Variants in LRRC4C observed in about 807,000 individuals in gnomAD.
The protein encoded by LRRC4C is leucine rich repeat containing 4C, also known as leucine-rich repeat-containing protein 4C.
LRRC4C carries 5 observed loss-of-function variants against 33.6 expected under a neutral mutation model. The observed-to-expected ratio is 0.15, with a 90% CI of 0.08 to 0.31. LRRC4C has a LOEUF of 0.31. Among genes scored for constraint, LRRC4C ranks in the 10% least tolerant of loss-of-function variants. The pLI, the probability that LRRC4C is intolerant of heterozygous loss-of-function variation, is 1.00. For missense variants in LRRC4C, 560 were observed against 796.7 expected (o/e 0.70, Z 3.58); for synonymous variants, 329 against 302.0 (o/e 1.09, Z -0.93).
intron 1 of LRRC4C, among the ~76,000 whole-genome samples, chr11:40,948,346 T>G (rs575307975): frequency 1.3e-5 from 2 of 152,094 alleles, no homozygotes; most frequent in Non-Finnish European, 2.9e-5. Flanking sequence ...TTCTTTGTTT[T>G]TCTTTATTCA....
intron 3 of LRRC4C, among the ~76,000 whole-genome samples, chr11:40,405,959 G>T (rs184498647): frequency 9.2e-5 from 14 of 151,984 alleles, no homozygotes; most frequent in African/African-American, 2.9e-4. Flanking sequence ...TCTCTGTATG[G>T]TTTCATAGGT....
intron 1 of LRRC4C, among the ~76,000 whole-genome samples, chr11:41,305,626 A>T (rs1206303997): frequency 2.9e-5 from 2 of 69,118 alleles, no homozygotes; most frequent in East Asian, 7.6e-4. Flanking sequence ...GCTCTCTGAA[A>T]CATGTGCTGT....
chr11:40,869,991 G>A (rs1954555303), intron 2 of LRRC4C, among the ~76,000 whole-genome samples: 1 of 152,038 alleles, frequency 6.6e-6, no homozygotes, highest in Admixed American at 6.6e-5. Context: ...ATACAGATTT[G>A]CTGTTCATAA....
At chr11:40,878,943 G>A (rs1955042072) in intron 2 of LRRC4C, among the ~76,000 whole-genome samples, 1 of 152,164 alleles carries the variant, frequency 6.6e-6, no homozygotes, top group Admixed American at 6.5e-5. Flanking sequence ...GCATCCCCAT[G>A]TCTGGCTGTG....
At chr11:40,622,140 A>G (rs1455712592) in intron 3 of LRRC4C, among the ~76,000 whole-genome samples, 3 of 151,918 alleles carry the variant, frequency 2.0e-5, no homozygotes, top group African/African-American at 7.2e-5. Context: ...AAATGTCAAC[A>G]TCTTAGTCAC....
intron 3 of LRRC4C, among the ~76,000 whole-genome samples, chr11:40,618,818 T>G (rs2135938600): frequency 6.6e-6 from 1 of 151,916 alleles, no homozygotes; most frequent in Middle Eastern, 3.4e-3. Flanking sequence ...TTCCGGTCTT[T>G]CAAGTCAGGA....
At chr11:40,804,545 C>A (rs1007613248) in intron 2 of LRRC4C, among the ~76,000 whole-genome samples, 1 of 152,122 alleles carries the variant, frequency 6.6e-6, no homozygotes, top group African/African-American at 2.4e-5. Flanking sequence ...TTCTCTGAAG[C>A]CTGTGGAAAC....
intron 3 of LRRC4C, among the ~76,000 whole-genome samples, chr11:40,640,802 C>T (rs1189442681): frequency 6.6e-6 from 1 of 151,964 alleles, no homozygotes; most frequent in Non-Finnish European, 1.5e-5. Context: ...ATCACGAGGT[C>T]AGGAGATCGA....
intron 1 of LRRC4C, among the ~76,000 whole-genome samples, chr11:41,311,703 TA>T (rs1483348678): frequency 6.6e-6 from 1 of 152,232 alleles, no homozygotes; most frequent in Non-Finnish European, 1.5e-5. Context: ...ATCATTATTT[TA>T]CCAGCTAGAA....
intron 2 of LRRC4C, among the ~76,000 whole-genome samples, chr11:40,840,738 T>C (rs1952875238): frequency 6.6e-6 from 1 of 152,150 alleles, no homozygotes; most frequent in African/African-American, 2.4e-5. Flanking sequence ...TTAGAGAGTT[T>C]AGAAAAGAAT....
chr11:41,409,826 T>A (rs529695878), intron 1 of LRRC4C, among the ~76,000 whole-genome samples: 1 of 152,060 alleles, frequency 6.6e-6, no homozygotes, highest in Non-Finnish European at 1.5e-5. Flanking sequence ...ATCCAAAAAA[T>A]TGCGAAAAAA....
In LRRC4C at chr11:40,359,713, T is replaced by C. The variant is rs144745829; in HGVS notation, c.-269-39992A>G. On this transcript the variant is annotated intron_variant, in intron 3 of 6. Coordinates refer to ENST00000528697, the MANE Select transcript of LRRC4C (RefSeq NM_001258419.2). The stretch of plus-strand genomic sequence containing the variant: ...AGGATATTATTCAAGTTCTCTAACA[T>C]AGCGCTAAAAGCTGTAAACAGTCAG... Among the ~76,000 whole-genome samples, 807 of 152,280 alleles carry C rather than the reference T, an allele frequency of 5.3e-3. 12 individuals are homozygous for C. The highest frequency in any genetic ancestry group is 0.019 in the African/African-American group (772 of 41,560).
chr11:40,245,804 T>C (rs1314986936), intron 4 of LRRC4C, among the ~76,000 whole-genome samples: 2 of 152,088 alleles, frequency 1.3e-5, no homozygotes, highest in Non-Finnish European at 2.9e-5. Flanking sequence ...ACCACTAGCA[T>C]TGTGCTTGGG....
At chr11:40,889,369 G>A (rs149444603) in intron 2 of LRRC4C, among the ~76,000 whole-genome samples, 105 of 152,120 alleles carry the variant, frequency 6.9e-4, no homozygotes, top group Middle Eastern at 3.4e-3. Flanking sequence ...ATATCTGCAT[G>A]CAAATATACA....
intron 1 of LRRC4C, among the ~76,000 whole-genome samples, chr11:41,314,519 TGA>T (rs920508062): frequency 6.6e-6 from 1 of 152,154 alleles, no homozygotes. Context: ...TAATTAAGCT[TGA>T]GAGACCCTCT....
chr11:40,695,400 T>C (rs1945446934), intron 2 of LRRC4C, among the ~76,000 whole-genome samples: 1 of 152,172 alleles, frequency 6.6e-6, no homozygotes, highest in African/African-American at 2.4e-5. Flanking sequence ...TCTCCTTTGA[T>C]TGCTAATATG....
chr11:40,993,814 T>A (rs1853764654), intron 1 of LRRC4C, among the ~76,000 whole-genome samples: 1 of 152,166 alleles, frequency 6.6e-6, no homozygotes, highest in South Asian at 2.1e-4. Context: ...TACTAGAAAC[T>A]TAGACAGCAA....
chr11:40,174,124 T>G (rs1012847559), intron 5 of LRRC4C, among the ~76,000 whole-genome samples: 1 of 152,174 alleles, frequency 6.6e-6, no homozygotes, highest in African/African-American at 2.4e-5. Flanking sequence ...ATGCATGGTG[T>G]TAGCACGCTG....
intron 1 of LRRC4C, among the ~76,000 whole-genome samples, chr11:41,265,963 TA>T (rs1241125492): frequency 6.6e-6 from 1 of 152,060 alleles, no homozygotes. Flanking sequence ...CAACACTTGA[TA>T]AAAATCAATC....
Sources: allele counts gnomAD v4.1 joint callset (sites outside exome capture counted in the v4.1 genomes callset), GRCh38; gene constraint gnomAD v4.1.1; transcripts MANE v1.5; gene names NCBI Gene and HGNC (gene_info 2026-07-23, HGNC 2026-07-21).